Variants in MCF2L2 observed in about 807,000 individuals in gnomAD.
MCF2L2 encodes MCF.2 cell line derived transforming sequence-like 2, also known as probable guanine nucleotide exchange factor MCF2L2.
A neutral mutation model predicts 150.2 loss-of-function variants in MCF2L2; 102 were observed. The observed-to-expected ratio is 0.68, with a 90% confidence interval of 0.58 to 0.80. The LOEUF (loss-of-function observed/expected upper bound fraction) is 0.80, where lower values mean the gene tolerates loss of function less well. Ranked by LOEUF, MCF2L2 falls within the 30% of genes least tolerant of loss-of-function variation. The probability of loss-of-function intolerance (pLI) is 0.00; values close to 1 mark genes in which losing one functional copy is unlikely to be tolerated. For synonymous variants in MCF2L2, 465 were observed against 491.3 expected (o/e 0.95, Z 0.71); for missense variants, 1,256 against 1,372.8 (o/e 0.91, Z 1.34).
intron 22 of MCF2L2, among the ~76,000 whole-genome samples, chr3:183,212,505 C>T (rs1377633537): frequency 6.6e-6 from 1 of 152,136 alleles, no homozygotes; most frequent in Admixed American, 6.5e-5. Context: ...CACTTTCACA[C>T]CTGGGCATTC....
chr3:183,205,907 T>C lies in MCF2L2; in HGVS notation c.2853A>G (p.Lys951=), dbSNP rs762000560. 6.2e-7 allele frequency: 1 copy of C among 1,614,000 alleles called. No individual in the cohort carries two copies. The highest frequency in any genetic ancestry group is 8.5e-7 in the Non-Finnish European group (1 of 1,179,872). Residue 951 remains lysine, a synonymous_variant, in exon 25 of 30, where the codon AAA becomes AAG. Transcript: ENST00000328913. ...TATTATTTTGTTGTTCCATCAATAATTTACTTATTTCTGAAAACCAACAGT... is the reference window on the plus strand; with the variant it reads ...TATTATTTTGTTGTTCCATCAATAACTTACTTATTTCTGAAAACCAACAGT... ...IRDCWFSEIS[K]LLMEQQNNIK...
chr3:183,217,225 C>T (rs1722977181), intron 21 of MCF2L2, among the ~76,000 whole-genome samples: 1 of 129,938 alleles, frequency 7.7e-6, no homozygotes, highest in South Asian at 2.6e-4. Context: ...ACCCAGGAGG[C>T]GGAGGTTGCA....
At chr3:183,193,131 G>T (rs1014118451) in intron 26 of MCF2L2, 35 bp from the exon 27 acceptor site, 2 of 1,560,746 alleles carry the variant, frequency 1.3e-6, no homozygotes, top group Non-Finnish European at 1.8e-6. Context: ...TGAGTCACTG[G>T]AAGGAATGAC....
In MCF2L2 at chr3:183,268,512, G is replaced by C. The variant is rs1037940408; in HGVS notation, c.1862+8360C>G. ...TAAATAATGGAAGTGGAGAAAATGG[G>C]GGGGGCGGTTCCAGATTTCAGGCAT... On this transcript the variant is annotated intron_variant, in intron 15 of 29. Transcript: ENST00000328913. Among the ~76,000 whole-genome samples the C allele has an allele frequency of 7.9e-5, 12 of 152,028 alleles. 1 individual carries two copies. Among genetic ancestry groups the C allele is most frequent in the African/African-American group, 2.9e-4 (12 of 41,328 alleles).
At chr3:183,384,749 C>T (rs1157041203) in intron 2 of MCF2L2, among the ~76,000 whole-genome samples, 1 of 152,214 alleles carries the variant, frequency 6.6e-6, no homozygotes, top group Non-Finnish European at 1.5e-5. Flanking sequence ...TACTCTTTCT[C>T]TATTGTAATT....
Position 183,355,613 on chromosome 3 carries a change from A to ATTTT in MCF2L2, c.276-13987_276-13984dup, listed in dbSNP as rs71185653. ...AGGCGCCCGCCACCACGCCCAGCTA[A>ATTTT]TTTTTTTTTTTTTTTTTTTTTTTTT... On this transcript the variant is annotated intron_variant, in intron 3 of 29. Coordinates refer to ENST00000328913, the MANE Select transcript of MCF2L2 (RefSeq NM_015078.4). 2.7e-3 allele frequency among the ~76,000 whole-genome samples: 227 copies of ATTTT among 84,414 alleles called. 4 individuals are homozygous for ATTTT. The highest frequency in any genetic ancestry group is 9.0e-3 in the African/African-American group (164 of 18,190). The allele number at this position is 84,414 out of a possible 152,430, so 55.4% of individuals were successfully genotyped here.
chr3:183,306,823 T>C (rs1214206801), intron 10 of MCF2L2, among the ~76,000 whole-genome samples: 1 of 152,206 alleles, frequency 6.6e-6, no homozygotes, highest in Non-Finnish European at 1.5e-5. Flanking sequence ...CATGCCTTCT[T>C]AGACACAGCA....
chr3:183,356,156 A>T (rs1440363937), intron 3 of MCF2L2, among the ~76,000 whole-genome samples: 1 of 141,992 alleles, frequency 7.0e-6, no homozygotes, highest in East Asian at 2.0e-4. Context: ...TCTTTCTAGA[A>T]ATAAAATTGA....
chr3:183,370,835 G>A (rs1712831322), intron 3 of MCF2L2, among the ~76,000 whole-genome samples: 1 of 152,184 alleles, frequency 6.6e-6, no homozygotes, highest in African/African-American at 2.4e-5. Flanking sequence ...ACCAAGGAGT[G>A]CCTTCTGATT....
chr3:183,389,858 T>C (rs1161989756), intron 1 of MCF2L2, 79 bp from the exon 2 acceptor site: 2 of 1,164,294 alleles, frequency 1.7e-6, no homozygotes, highest in Admixed American at 1.7e-5. Context: ...CAAAGGCAAG[T>C]TGTACTATTG....
rs1442450988 is a variant in MCF2L2, at chr3:183,206,151, G to C, written c.2776C>G (p.Arg926Gly). 4 of 1,614,116 alleles carry C rather than the reference G, an allele frequency of 2.5e-6. No homozygotes were observed. The East Asian group carries it at 6.7e-5, about 27-fold the overall frequency. ...AGGATGTATTTCTCAAGTCCATTTC[G>C]ACTGGCAATCTCAAACTTTCTATGG... ...GSHRKFEIASRNGLEKYILQA... is the reference protein window; with the variant it reads ...GSHRKFEIASGNGLEKYILQA... The change falls in exon 24 of 30, where the codon CGA becomes GGA. Residue 926 changes from arginine (R) to glycine (G), a missense_variant. Coordinates refer to ENST00000328913, the MANE Select transcript of MCF2L2 (RefSeq NM_015078.4).
chr3:183,288,291 T>C (rs1727907247), intron 14 of MCF2L2, among the ~76,000 whole-genome samples: 1 of 152,138 alleles, frequency 6.6e-6, no homozygotes, highest in African/African-American at 2.4e-5. Flanking sequence ...TTTGAAATAA[T>C]TATATTAAGT....
At chr3:183,200,798 G>A (rs1722251604) in intron 25 of MCF2L2, among the ~76,000 whole-genome samples, 1 of 152,092 alleles carries the variant, frequency 6.6e-6, no homozygotes, top group Non-Finnish European at 1.5e-5. Flanking sequence ...ATTCATTTTT[G>A]TATAAGGTGT....
At chr3:183,321,315 G>A (rs759009844) in intron 6 of MCF2L2, among the ~76,000 whole-genome samples, 6 of 151,990 alleles carry the variant, frequency 3.9e-5, no homozygotes, top group East Asian at 1.9e-4. Context: ...GCGCGTGCCT[G>A]TAATCCCAGT....
At chr3:183,416,326 T>C (rs994553458) in intron 1 of MCF2L2, among the ~76,000 whole-genome samples, 3 of 152,240 alleles carry the variant, frequency 2.0e-5, no homozygotes, top group African/African-American at 7.2e-5. Flanking sequence ...CCTTATTTAC[T>C]ATTCCTGGTT....
chr3:183,391,617 T>C (rs1714157274), intron 1 of MCF2L2, among the ~76,000 whole-genome samples: 1 of 152,012 alleles, frequency 6.6e-6, no homozygotes. Flanking sequence ...GGGGTGGAAG[T>C]GGGGGGTAGA....
At chr3:183,187,480 T>A (rs1341176954) in intron 27 of MCF2L2, among the ~76,000 whole-genome samples, 2 of 152,262 alleles carry the variant, frequency 1.3e-5, no homozygotes, top group East Asian at 3.9e-4. Context: ...TTATTATTTT[T>A]TTATTTTTGG....
At chr3:183,313,985 GGCACACA>G (rs1729492536) in intron 7 of MCF2L2, among the ~76,000 whole-genome samples, 1 of 152,220 alleles carries the variant, frequency 6.6e-6, no homozygotes, top group Non-Finnish European at 1.5e-5. Context: ...TGGGTGGAAA[GGCACACA>G]GCAGGAATGA....
At chr3:183,389,626 C>T in intron 2 of MCF2L2, 70 bp downstream of exon 2, 1 of 1,329,854 alleles carries the variant, frequency 7.5e-7, no homozygotes, top group Non-Finnish European at 1.1e-6. Context: ...CCTCAAGGTT[C>T]AAGAGGCTGG....
Sources: gnomAD v4.1 joint callset for allele counts (sites outside exome capture counted in the v4.1 genomes callset) on GRCh38, gnomAD v4.1.1 for gene constraint, MANE v1.5 for transcripts, NCBI Gene and HGNC (gene_info 2026-07-23, HGNC 2026-07-21) for gene names.